CNTN4: variants seen among roughly 807,000 people sequenced by gnomAD.
CNTN4 encodes the protein contactin-4.
CNTN4 carries 77 observed loss-of-function variants against 122.5 expected under a neutral mutation model. The ratio of observed to expected loss-of-function variants is 0.63; its 90% CI spans 0.52 to 0.76. The LOEUF is 0.76. Ranked by LOEUF, CNTN4 falls within the 30% of genes least tolerant of loss-of-function variation. The probability of loss-of-function intolerance (pLI) is 0.00; values close to 1 mark genes in which losing one functional copy is unlikely to be tolerated. For synonymous variants in CNTN4, 512 were observed against 447.0 expected, an observed-to-expected ratio of 1.15 and a Z score of -1.83; for missense variants, 1,256 against 1,259.1, an observed-to-expected ratio of 1.00 and a Z score of 0.04.
In CNTN4 at chr3:2,926,483, C is replaced by T. The variant is rs73114681; in HGVS notation, c.1358+704C>T. Among the ~76,000 whole-genome samples the T allele has an allele frequency of 7.1e-3, 1,087 of 152,254 alleles. 19 individuals are homozygous for T. Among genetic ancestry groups the T allele is most frequent in the African/African-American group, 0.025 (1,039 of 41,538 alleles). On this transcript the variant is annotated intron_variant, in intron 13 of 24. Transcript: ENST00000418658. Reference sequence around the variant, plus strand: ...TAAGACCTTTTCTTGGCTGTCACCCCTGTAAAATATCCCCTACCTTTTTCT... The same window carrying T: ...TAAGACCTTTTCTTGGCTGTCACCCTTGTAAAATATCCCCTACCTTTTTCT...
At chr3:2,287,769 GAA>G (rs1559416279) in intron 2 of CNTN4, among the ~76,000 whole-genome samples, 5 of 148,618 alleles carry the variant, frequency 3.4e-5, no homozygotes, top group Admixed American at 1.3e-4. Flanking sequence ...AGAAGAAGAA[GAA>G]GAAGAAGGAG....
intron 4 of CNTN4, among the ~76,000 whole-genome samples, chr3:2,695,637 C>A (rs147378919): frequency 2.0e-5 from 3 of 152,072 alleles, no homozygotes; most frequent in Admixed American, 6.5e-5. Flanking sequence ...ATAGAGAAGA[C>A]GAACAGAGCA....
intron 4 of CNTN4, among the ~76,000 whole-genome samples, chr3:2,650,833 T>C (rs932293899): frequency 6.6e-6 from 1 of 152,226 alleles, no homozygotes; most frequent in Non-Finnish European, 1.5e-5. Flanking sequence ...ATGACTCTTG[T>C]ATGCAATGGA....
At position 2,216,994 on chromosome 3, in the gene CNTN4, A is replaced by G. The variant is rs183684056; in HGVS notation, c.-145+116355A>G. 1.1e-3 allele frequency among the ~76,000 whole-genome samples: 166 copies of G among 152,268 alleles called. 2 individuals carry two copies. Among genetic ancestry groups the G allele is most frequent in the African/African-American group, 3.9e-3 (160 of 41,556 alleles). On this transcript the variant is annotated intron_variant, in intron 2 of 24. Coordinates refer to ENST00000418658, the MANE Select transcript of CNTN4 (RefSeq NM_175607.3). Reference sequence around the variant, plus strand: ...TAACTAGACTTCTCTTTTATATTAAAAGCTCTTGGCCCCACATTCTGAAAA... The same window carrying G: ...TAACTAGACTTCTCTTTTATATTAAGAGCTCTTGGCCCCACATTCTGAAAA...
intron 2 of CNTN4, among the ~76,000 whole-genome samples, chr3:2,240,223 A>C (rs756744758): frequency 6.6e-6 from 1 of 152,178 alleles, no homozygotes; most frequent in South Asian, 2.1e-4. Flanking sequence ...AATTATTTTC[A>C]GTTGGCTTTC....
chr3:2,716,373 A>G (rs2087499343), intron 4 of CNTN4, among the ~76,000 whole-genome samples: 1 of 151,564 alleles, frequency 6.6e-6, no homozygotes, highest in African/African-American at 2.4e-5. Flanking sequence ...ATCTTACAAG[A>G]TTGTTTTAAG....
chr3:2,312,392 G>A (rs903136401), intron 2 of CNTN4, among the ~76,000 whole-genome samples: 1 of 152,038 alleles, frequency 6.6e-6, no homozygotes, highest in Admixed American at 6.6e-5. Flanking sequence ...TTGACATACA[G>A]CATAAAAGTC....
intron 6 of CNTN4, among the ~76,000 whole-genome samples, chr3:2,809,089 T>A (rs1350069375): frequency 1.3e-5 from 2 of 152,342 alleles, no homozygotes; most frequent in East Asian, 3.9e-4. Flanking sequence ...CACAGTGAGC[T>A]TTTATTTGGG....
intron 2 of CNTN4, among the ~76,000 whole-genome samples, chr3:2,105,749 T>C (rs186568886): frequency 4.3e-4 from 66 of 152,280 alleles, no homozygotes; most frequent in African/African-American, 1.5e-3. Context: ...CCAAATATCA[T>C]GTCTTTTCAC....
At chr3:2,449,241 G>T (rs1397979800) in intron 3 of CNTN4, among the ~76,000 whole-genome samples, 1 of 152,168 alleles carries the variant, frequency 6.6e-6, no homozygotes, top group Non-Finnish European at 1.5e-5. Context: ...ACCACTGATA[G>T]GTAAGTCATC....
rs1163246437 is a variant in CNTN4 at position 2,961,033 on chromosome 3, A to C, written c.1359-27312A>C. On this transcript the variant is annotated intron_variant, in intron 13 of 24. Transcript: ENST00000418658. ...ATCACGAGGTCAGGAGATCGAGACCATCCTGGCTAACACGGTGAAACCCCG... is the reference window on the plus strand; with the variant it reads ...ATCACGAGGTCAGGAGATCGAGACCCTCCTGGCTAACACGGTGAAACCCCG... Among the ~76,000 whole-genome samples, 2 of 135,022 alleles carry C rather than the reference A, an allele frequency of 1.5e-5. 1 individual carries two copies. The highest frequency in any genetic ancestry group is 3.3e-5 in the Non-Finnish European group (2 of 61,370). 88.6% of individuals were successfully genotyped at this position (135,022 alleles called of 152,430 possible).
At chr3:2,267,666 A>G (rs909969343) in intron 2 of CNTN4, among the ~76,000 whole-genome samples, 11 of 152,032 alleles carry the variant, frequency 7.2e-5, no homozygotes, top group African/African-American at 2.7e-4. Flanking sequence ...TTGGTTGACC[A>G]TGCTAATTCC....
intron 3 of CNTN4, among the ~76,000 whole-genome samples, chr3:2,380,706 T>C (rs1212293742): frequency 6.6e-6 from 1 of 152,052 alleles, no homozygotes; most frequent in African/African-American, 2.4e-5. Context: ...GGTTTCTTTT[T>C]TTTTTTTTCC....
At chr3:2,870,153 T>C (rs2093768455) in intron 8 of CNTN4, among the ~76,000 whole-genome samples, 2 of 152,232 alleles carry the variant, frequency 1.3e-5, no homozygotes, top group South Asian at 4.1e-4. Flanking sequence ...ACACAAGCAC[T>C]CCAGAATCAT....
chr3:3,009,196 C>T (rs1297924421), intron 14 of CNTN4, among the ~76,000 whole-genome samples: 1 of 152,182 alleles, frequency 6.6e-6, no homozygotes, highest in African/African-American at 2.4e-5. Context: ...TGGTTACTTT[C>T]CTCGGAGCAT....
At chr3:2,545,920 C>G (rs1258686691) in intron 3 of CNTN4, among the ~76,000 whole-genome samples, 1 of 151,982 alleles carries the variant, frequency 6.6e-6, no homozygotes, top group African/African-American at 2.4e-5. Context: ...AAAAAATGCT[C>G]AACATCACTA....
At chr3:2,991,283 G>A (rs1467549373) in intron 14 of CNTN4, among the ~76,000 whole-genome samples, 1 of 152,170 alleles carries the variant, frequency 6.6e-6, no homozygotes, top group Non-Finnish European at 1.5e-5. Flanking sequence ...GGAAGGCAGG[G>A]ATGTGTAGGT....
chr3:2,904,957 A>G (rs1219960002), intron 12 of CNTN4, among the ~76,000 whole-genome samples: 2 of 152,196 alleles, frequency 1.3e-5, no homozygotes, highest in Non-Finnish European at 2.9e-5. Flanking sequence ...TGACTCCAAC[A>G]AAGTGAGAAA....
At chr3:2,164,941 C>T (rs1365239190) in intron 2 of CNTN4, among the ~76,000 whole-genome samples, 1 of 152,072 alleles carries the variant, frequency 6.6e-6, no homozygotes, top group Non-Finnish European at 1.5e-5. Context: ...CAAAATATAT[C>T]ACAAATAGGT....
Sources: gnomAD v4.1 joint callset for allele counts (sites outside exome capture counted in the v4.1 genomes callset) on GRCh38, gnomAD v4.1.1 for gene constraint, MANE v1.5 for transcripts, NCBI Gene and HGNC (gene_info 2026-07-23, HGNC 2026-07-21) for gene names.